TMEM132B: variants seen among roughly 807,000 people sequenced by gnomAD.
The protein encoded by TMEM132B is transmembrane protein 132B.
A neutral mutation model predicts 90.8 loss-of-function variants in TMEM132B; 18 were observed. The ratio of observed to expected loss-of-function variants is 0.20; its 90% confidence interval spans 0.14 to 0.29. TMEM132B has a LOEUF of 0.29. TMEM132B is among the 10% of genes least tolerant of loss of function. The pLI, the probability that TMEM132B is intolerant of heterozygous loss-of-function variation, is 1.00. For synonymous variants in TMEM132B, 504 were observed against 523.3 expected (o/e 0.96, Z 0.50); for missense variants, 1,096 against 1,326.8 (o/e 0.83, Z 2.70).
At chr12:125,572,927 A>T (rs961632033) in intron 4 of TMEM132B, among the ~76,000 whole-genome samples, 1 of 152,172 alleles carries the variant, frequency 6.6e-6, no homozygotes, top group Non-Finnish European at 1.5e-5. Flanking sequence ...GTGATTATTT[A>T]CTGTGATGCT....
At chr12:125,587,670 G>T (rs1885212015) in intron 5 of TMEM132B, 2 of 152,122 alleles carry the variant, frequency 1.3e-5, no homozygotes, top group African/African-American at 4.8e-5. Context: ...AAGGATATTT[G>T]TCATTTCTGG....
intron 1 of TMEM132B, among the ~76,000 whole-genome samples, chr12:125,278,634 G>T (rs866554894): frequency 1.7e-4 from 26 of 152,164 alleles, no homozygotes; most frequent in African/African-American, 5.8e-4. Flanking sequence ...GGGAATGAGC[G>T]AGTGGGGTGT....
intron 1 of TMEM132B, among the ~76,000 whole-genome samples, chr12:125,343,746 C>A (rs1030889508): frequency 7.9e-5 from 12 of 152,314 alleles, no homozygotes; most frequent in Admixed American, 7.8e-4. Flanking sequence ...TGGTGTGCAT[C>A]TCCCTTTAAG....
chr12:125,494,240 C>A (rs1882451431), intron 3 of TMEM132B, among the ~76,000 whole-genome samples: 1 of 123,572 alleles, frequency 8.1e-6, no homozygotes, highest in Non-Finnish European at 1.7e-5. Context: ...CTGGAAATGG[C>A]CGTGTCCCTC....
At chr12:125,355,212 T>C (rs1002325661) in intron 2 of TMEM132B, among the ~76,000 whole-genome samples, 1 of 152,088 alleles carries the variant, frequency 6.6e-6, no homozygotes, top group African/African-American at 2.4e-5. Context: ...ACCACCCAAA[T>C]GAGAACAAAC....
intron 2 of TMEM132B, among the ~76,000 whole-genome samples, chr12:125,352,675 G>C (rs1398243481): frequency 6.6e-6 from 1 of 152,246 alleles, no homozygotes; most frequent in Non-Finnish European, 1.5e-5. Flanking sequence ...TTCAGGAACT[G>C]GGCATATAAA....
chr12:125,514,633 A>T (rs995639284), intron 3 of TMEM132B, among the ~76,000 whole-genome samples: 15 of 152,322 alleles, frequency 9.8e-5, no homozygotes, highest in African/African-American at 3.4e-4. Flanking sequence ...AACCATCCAG[A>T]CGTTTGCAAA....
At chr12:125,216,289 G>A (rs1873435455) in intron 1 of TMEM132B, among the ~76,000 whole-genome samples, 1 of 152,160 alleles carries the variant, frequency 6.6e-6, no homozygotes, top group African/African-American at 2.4e-5. Flanking sequence ...GGGTGGGGAG[G>A]CTTGAAGCAG....
intron 3 of TMEM132B, among the ~76,000 whole-genome samples, chr12:125,504,995 A>G (rs1238187627): frequency 6.6e-6 from 1 of 152,086 alleles, no homozygotes; most frequent in Non-Finnish European, 1.5e-5. Context: ...TGAAGACTCC[A>G]GGAAGCTCAG....
At chr12:125,377,980 A>G (rs1032554723) in intron 2 of TMEM132B, among the ~76,000 whole-genome samples, 1 of 152,084 alleles carries the variant, frequency 6.6e-6, no homozygotes, top group Non-Finnish European at 1.5e-5. Context: ...AATGTTTTGA[A>G]AGCTAGGTAT....
At chr12:125,616,752 C>T (rs1885996863) in intron 5 of TMEM132B, among the ~76,000 whole-genome samples, 2 of 152,160 alleles carry the variant, frequency 1.3e-5, no homozygotes, top group South Asian at 4.1e-4. Flanking sequence ...TCATGTGTTG[C>T]AGCCCTAACG....
intron 1 of TMEM132B, among the ~76,000 whole-genome samples, chr12:125,193,282 A>AAGTC (rs1273813621): frequency 1.3e-5 from 2 of 152,136 alleles, no homozygotes; most frequent in Non-Finnish European, 1.5e-5. Flanking sequence ...GACTCAAGAT[A>AAGTC]AGTCAATCCA....
intron 1 of TMEM132B, among the ~76,000 whole-genome samples, chr12:125,282,700 T>A (rs1008573863): frequency 2.0e-5 from 3 of 152,212 alleles, no homozygotes; most frequent in Non-Finnish European, 4.4e-5. Context: ...GTGCTGCTGC[T>A]TGGGGATGTG....
At chr12:125,620,311 T>A (rs1486321639) in intron 5 of TMEM132B, among the ~76,000 whole-genome samples, 1 of 152,218 alleles carries the variant, frequency 6.6e-6, no homozygotes, top group Non-Finnish European at 1.5e-5. Context: ...GATATATTCT[T>A]GCTTGGGACA....
chr12:125,287,320 C>T (rs1024893166), intron 1 of TMEM132B, among the ~76,000 whole-genome samples: 2 of 152,278 alleles, frequency 1.3e-5, no homozygotes, highest in South Asian at 2.1e-4. Flanking sequence ...ATCATATCTG[C>T]AAAGTCCCTT....
intron 3 of TMEM132B, among the ~76,000 whole-genome samples, chr12:125,516,065 TCACA>T (rs776863252): frequency 1.3e-5 from 2 of 151,368 alleles, no homozygotes; most frequent in South Asian, 2.1e-4. Context: ...TCACATATAC[TCACA>T]CACACTCTCA....
intron 3 of TMEM132B, among the ~76,000 whole-genome samples, chr12:125,455,493 G>A (rs1388570603): frequency 6.6e-6 from 1 of 152,116 alleles, no homozygotes; most frequent in East Asian, 1.9e-4. Flanking sequence ...GGTGACGGGA[G>A]GTTTAAATAA....
At chr12:125,615,976 T>G (rs1200869529) in intron 5 of TMEM132B, among the ~76,000 whole-genome samples, 1 of 152,138 alleles carries the variant, frequency 6.6e-6, no homozygotes. Flanking sequence ...AGTTTTAGGG[T>G]ACATGTGCAC....
intron 1 of TMEM132B, among the ~76,000 whole-genome samples, chr12:125,312,778 G>A (rs1041474556): frequency 1.3e-5 from 2 of 152,204 alleles, no homozygotes; most frequent in African/African-American, 4.8e-5. Flanking sequence ...GGCACAGTGG[G>A]CTCTGTATAC....
Sources: allele counts gnomAD v4.1 joint callset (sites outside exome capture counted in the v4.1 genomes callset), GRCh38; gene constraint gnomAD v4.1.1; transcripts MANE v1.5; gene names NCBI Gene and HGNC (gene_info 2026-07-23, HGNC 2026-07-21).